The following CEP295 variants were observed in gnomAD, a reference collection of about 807,000 sequenced individuals.
The protein encoded by CEP295 is centrosomal protein of 295 kDa.
In CEP295, 190 loss-of-function variants were observed where a neutral mutation model predicts 291.6. The observed-to-expected ratio is 0.65, with a 90% confidence interval of 0.58 to 0.73. The LOEUF is 0.73. CEP295 is among the 30% of genes least tolerant of loss of function. The pLI is 0.00. For synonymous variants in CEP295, 993 were observed against 1,038.8 expected (o/e 0.96, Z 0.85); for missense variants, 2,863 against 2,949.4 (o/e 0.97, Z 0.68).
At chr11:93,708,575 C>T (rs769628639) in intron 18 of CEP295, among the ~76,000 whole-genome samples, 2 of 152,090 alleles carry the variant, frequency 1.3e-5, no homozygotes, top group Non-Finnish European at 2.9e-5. Flanking sequence ...TAGGTTGCTT[C>T]CAAATCTTGG....
At chr11:93,673,285 A>AAT (rs1452129310) in intron 5 of CEP295, among the ~76,000 whole-genome samples, 3 of 152,186 alleles carry the variant, frequency 2.0e-5, no homozygotes, top group African/African-American at 7.2e-5. Flanking sequence ...CCCTGTCTCA[A>AAT]ATATATATAT....
At chr11:93,701,926 G>A (rs1952190072) in intron 15 of CEP295, among the ~76,000 whole-genome samples, 1 of 151,632 alleles carries the variant, frequency 6.6e-6, no homozygotes, top group Admixed American at 6.6e-5. Context: ...TAAGTCCAAG[G>A]CTGTGAATGG....
Position 93,699,242 on chromosome 11 carries a change from G to A in CEP295, c.4330G>A (p.Gly1444Ser). ...EIPTLPDGLL[G>S]LSHLVLPQQD... ...ACCAACATTGCCTGATGGGCTGTTGGGTTTATCACATCTTGTTTTACCTCA... is the reference window on the plus strand; with the variant it reads ...ACCAACATTGCCTGATGGGCTGTTGAGTTTATCACATCTTGTTTTACCTCA... Residue 1444 changes from glycine to serine, a missense_variant, in exon 15 of 30, where the codon GGT becomes AGT. Gly to Ser is a moderately conservative substitution (Grantham distance 56). Around this residue, in one of 3 missense-constraint regions of CEP295, gnomAD observed 2,295 missense variants for 2,335.7 expected, o/e 0.98. Transcript: ENST00000325212. 2 of 1,551,634 alleles carry A rather than the reference G, an allele frequency of 1.3e-6. No homozygotes were observed. The highest frequency in any genetic ancestry group is 1.7e-6 in the Non-Finnish European group (2 of 1,146,964).
At chr11:93,700,315 AC>A in intron 15 of CEP295, 129 bp downstream of exon 15, 2 of 851,314 alleles carry the variant, frequency 2.3e-6, no homozygotes, top group Non-Finnish European at 3.6e-6. Flanking sequence ...TTGATTTTTC[AC>A]CCTAAATGAT....
Position 93,726,732 on chromosome 11 carries a change from TCA to T in CEP295, c.6500-243_6500-242del, listed in dbSNP as rs545190014. 5.6e-4 allele frequency: 193 copies of T among 343,422 alleles called. 2 individuals are homozygous for T. Among genetic ancestry groups the T allele is most frequent in the African/African-American group, 3.8e-3 (178 of 47,326 alleles). 21.3% of individuals were successfully genotyped at this position (343,422 alleles called of 1,614,324 possible). The stretch of plus-strand genomic sequence containing the variant: ...TCAGTTCTTATAGAGGAAAACATCC[TCA>T]GTTTATAGCCATATTGTCCTTATTA... On this transcript the variant is annotated intron_variant, in intron 23 of 29. Coordinates refer to ENST00000325212, the MANE Select transcript of CEP295 (RefSeq NM_033395.2).
At chr11:93,695,738 C>T (rs1224474982) in intron 13 of CEP295, 104 bp downstream of exon 13, 44 of 1,338,624 alleles carry the variant, frequency 3.3e-5, no homozygotes, top group African/African-American at 4.7e-5. Flanking sequence ...TGGCTGGGCG[C>T]GGTGGCTCAT....
chr11:93,670,873 A>G (rs1423017246), intron 5 of CEP295, among the ~76,000 whole-genome samples: 1 of 144,792 alleles, frequency 6.9e-6, no homozygotes, highest in Non-Finnish European at 1.5e-5. Context: ...ATCAGTGGGC[A>G]TGAACTATTT....
At chr11:93,670,289 AG>A (rs1202394184) in intron 5 of CEP295, among the ~76,000 whole-genome samples, 7 of 152,156 alleles carry the variant, frequency 4.6e-5, no homozygotes, top group Non-Finnish European at 8.8e-5. Flanking sequence ...TAAAGTATCC[AG>A]GTGTGATTTT....
chr11:93,696,608 A>G (rs1055230515), intron 14 of CEP295, 74 bp from the exon 15 acceptor site: 1 of 1,352,044 alleles, frequency 7.4e-7, no homozygotes, highest in African/African-American at 1.5e-5. Context: ...GCTGTTTGTT[A>G]AATTTAATGT....
chr11:93,702,475 G>T lies in CEP295; in HGVS notation c.5290G>T (p.Val1764Phe). The change falls in exon 16 of 30, where the codon GTT becomes TTT. Residue 1764 changes from valine to phenylalanine, a missense_variant. By Grantham distance (50) the Val-to-Phe change is conservative. This residue lies in a region of CEP295 where 2,295 missense variants were observed against 2,335.7 expected (regional missense o/e 0.98). Coordinates refer to ENST00000325212, the MANE Select transcript of CEP295 (RefSeq NM_033395.2). ...FKDSQISKPTVENDLKTQKMG... is the reference protein window; with the variant it reads ...FKDSQISKPTFENDLKTQKMG... ...ACTTTTTCAGATAAGTAAGCCCACA[G>T]TTGAAAATGATTTAAAAACCCAGAA... 6.5e-7 allele frequency: 1 copy of T among 1,536,850 alleles called. No homozygotes were observed. Among genetic ancestry groups the T allele is most frequent in the Non-Finnish European group, 8.8e-7 (1 of 1,142,082 alleles).
In CEP295 at chr11:93,726,979, C is replaced by G. The variant is rs372309873; in HGVS notation, c.6503C>G (p.Ser2168Cys). The G allele has an allele frequency of 5.3e-6, 8 of 1,503,816 alleles. 1 individual carries two copies. Among genetic ancestry groups the G allele is most frequent in the Admixed American group, 2.5e-5 (1 of 40,034 alleles). The allele number at this position is 1,503,816 out of a possible 1,614,324, so 93.2% of individuals were successfully genotyped here. A position where few individuals can be genotyped will look rare whatever the true frequency, so the allele number is the denominator to read the frequency against. Residue 2168 changes from serine to cysteine, a missense_variant, in exon 24 of 30, where the codon TCT becomes TGT. Coordinates refer to ENST00000325212, the MANE Select transcript of CEP295 (RefSeq NM_033395.2). ...SFATENIIGG[S>C]EQCFEQLQPE... ...ATTTTTGAATTTCTTAATGCAGGAT[C>G]TGAACAATGTTTTGAACAGCTTCAG...
At chr11:93,687,399 A>G (rs67749053) in intron 9 of CEP295, among the ~76,000 whole-genome samples, 15,551 of 152,248 alleles carry the variant, frequency 0.1, 877 homozygotes, top group East Asian at 0.25. Context: ...TTTGTGTTGC[A>G]TACATGTTTT....
chr11:93,665,182 A>C (rs1950150880), intron 1 of CEP295, among the ~76,000 whole-genome samples: 1 of 152,210 alleles, frequency 6.6e-6, no homozygotes, highest in Non-Finnish European at 1.5e-5. Context: ...AGACCTGAGA[A>C]ATGTTGATTG....
chr11:93,711,096 T>C (rs955256082), intron 18 of CEP295, among the ~76,000 whole-genome samples: 3 of 152,136 alleles, frequency 2.0e-5, no homozygotes, highest in Non-Finnish European at 4.4e-5. Context: ...TGTTTCCCTT[T>C]CATTTATTTC....
chr11:93,712,443 G>A (rs752821544), intron 18 of CEP295, among the ~76,000 whole-genome samples: 9 of 151,556 alleles, frequency 5.9e-5, no homozygotes, highest in Non-Finnish European at 8.8e-5. Context: ...TAGTAGAGAC[G>A]GGGTTTCGCC....
chr11:93,723,450 G>C, intron 21 of CEP295, 161 bp downstream of exon 21: 1 of 577,080 alleles, frequency 1.7e-6, no homozygotes, highest in Non-Finnish European at 3.0e-6. Context: ...TAGTGAGAAA[G>C]GGGATCTGGA....
rs1225848397 is a variant in CEP295 at position 93,697,549 on chromosome 11, G to A, written c.2637G>A (p.Val879=). The A allele has an allele frequency of 1.9e-6, 3 of 1,551,592 alleles. No homozygotes were observed. Among genetic ancestry groups the A allele is most frequent in the African/African-American group, 2.7e-5 (2 of 73,028 alleles). The change falls in exon 15 of 30, where the codon GTG becomes GTA. Residue 879 remains valine (V), a synonymous_variant. Transcript: ENST00000325212. ...TGCTTTTGTGCAAACAGAAAGAAGTGGAACAGCAAACGGGCCTCTCGGTAT... is the reference window on the plus strand; with the variant it reads ...TGCTTTTGTGCAAACAGAAAGAAGTAGAACAGCAAACGGGCCTCTCGGTAT... ...EQLLLCKQKE[V]EQQTGLSVFL...
intron 9 of CEP295, among the ~76,000 whole-genome samples, chr11:93,685,545 A>G (rs1951189937): frequency 1.3e-5 from 2 of 152,200 alleles, no homozygotes; most frequent in Non-Finnish European, 2.9e-5. Context: ...GGGGAAAAAA[A>G]AGCAGCAGCA....
At chr11:93,665,051 A>G (rs1950145156) in intron 1 of CEP295, among the ~76,000 whole-genome samples, 1 of 152,168 alleles carries the variant, frequency 6.6e-6, no homozygotes, top group Non-Finnish European at 1.5e-5. Flanking sequence ...GCAAATCAGG[A>G]GTGGGAAATT....
Sources: allele counts gnomAD v4.1 joint callset (sites outside exome capture counted in the v4.1 genomes callset), GRCh38; gene constraint gnomAD v4.1.1; regional missense constraint gnomAD v4.1.1; transcripts MANE v1.5; gene names NCBI Gene and HGNC (gene_info 2026-07-23, HGNC 2026-07-21).